TAF1B: variants seen among roughly 807,000 people sequenced by gnomAD.
TAF1B encodes TATA box-binding protein-associated factor RNA polymerase I subunit B.
In TAF1B, 61 loss-of-function variants were observed where a neutral mutation model predicts 83.9. The ratio of observed to expected loss-of-function variants is 0.73; its 90% CI spans 0.59 to 0.90. The LOEUF (loss-of-function observed/expected upper bound fraction) is 0.90. Ranked by LOEUF, TAF1B falls within the 40% of genes least tolerant of loss-of-function variation. The pLI, the probability that TAF1B is intolerant of heterozygous loss-of-function variation, is 0.00. For synonymous variants in TAF1B, 221 were observed against 224.6 expected, an observed-to-expected ratio of 0.98 and a Z score of 0.14; for missense variants, 625 against 677.0, an observed-to-expected ratio of 0.92 and a Z score of 0.85.
intron 5 of TAF1B, among the ~76,000 whole-genome samples, chr2:9,857,077 G>A (rs1663588941): frequency 6.6e-6 from 1 of 152,242 alleles, no homozygotes; most frequent in South Asian, 2.1e-4. Context: ...GGGACACTGG[G>A]GAAGGGTGCT....
chr2:9,898,736 G>T (rs75117624), intron 8 of TAF1B, among the ~76,000 whole-genome samples: 2 of 152,022 alleles, frequency 1.3e-5, no homozygotes, highest in Non-Finnish European at 2.9e-5. Context: ...TAATAACTCC[G>T]TATTTCCCCC....
chr2:9,929,489 T>C (rs758399338), intron 14 of TAF1B, among the ~76,000 whole-genome samples: 1 of 152,176 alleles, frequency 6.6e-6, no homozygotes, highest in Admixed American at 6.5e-5. Context: ...GATTATGTTA[T>C]TGATTTGCGT....
intron 5 of TAF1B, among the ~76,000 whole-genome samples, chr2:9,865,560 T>C (rs1173390473): frequency 6.6e-6 from 1 of 152,186 alleles, no homozygotes; most frequent in Non-Finnish European, 1.5e-5. Context: ...AAGCTACCAA[T>C]GACTTTCTTC....
Position 9,910,762 on chromosome 2 carries a change from G to T in TAF1B, c.982G>T (p.Val328Leu). 1.2e-6 allele frequency: 2 copies of T among 1,611,410 alleles called. No individual in the cohort carries two copies. Among genetic ancestry groups the T allele is most frequent in the Non-Finnish European group, 1.7e-6 (2 of 1,178,774 alleles). ...PDEMHSLTCH[V>L]VKMTGMGEVD... ...TGAAATGCATAGCTTAACTTGCCACGTGGTAAAAATGACTGGAATGGGAGA... is the reference window on the plus strand; with the variant it reads ...TGAAATGCATAGCTTAACTTGCCACTTGGTAAAAATGACTGGAATGGGAGA... The change falls in exon 10 of 15, where the codon GTG (valine) becomes TTG (leucine). Residue 328 changes from valine to leucine, a missense_variant. Coordinates refer to ENST00000263663, the MANE Select transcript of TAF1B (RefSeq NM_005680.3).
intron 6 of TAF1B, among the ~76,000 whole-genome samples, chr2:9,873,905 C>G (rs1664245877): frequency 6.6e-6 from 1 of 152,044 alleles, no homozygotes; most frequent in South Asian, 2.1e-4. Flanking sequence ...CTCCATTCTT[C>G]CCTCAGCAGC....
intron 9 of TAF1B, 100 bp from the exon 10 acceptor site, chr2:9,910,636 G>T: frequency 9.8e-7 from 1 of 1,016,974 alleles, no homozygotes; most frequent in Non-Finnish European, 1.4e-6. Context: ...CTGAGTTCTT[G>T]CATAGTGTCG....
At position 9,906,668 on chromosome 2, in the gene TAF1B, C is replaced by G. The variant is rs138333406; in HGVS notation, c.955+1662C>G. 4.7e-4 allele frequency among the ~76,000 whole-genome samples: 71 copies of G among 152,072 alleles called. No individual in the cohort carries two copies. The East Asian group carries it at 6.0e-3, about 13-fold the overall frequency. ...ATGTTATAATAAAAAGTCGAACAAG[C>G]CAAATTACAAAATTATGTATAACGT... On this transcript the variant is annotated intron_variant, in intron 9 of 14. Coordinates refer to ENST00000263663, the MANE Select transcript of TAF1B (RefSeq NM_005680.3).
intron 6 of TAF1B, among the ~76,000 whole-genome samples, chr2:9,871,288 T>C (rs551421242): frequency 1.4e-4 from 21 of 152,286 alleles, no homozygotes; most frequent in African/African-American, 5.1e-4. Context: ...TTCATCGTGT[T>C]AGCCAGGATG....
intron 8 of TAF1B, among the ~76,000 whole-genome samples, chr2:9,904,269 C>T (rs780545683): frequency 3.2e-4 from 49 of 152,150 alleles, no homozygotes; most frequent in Non-Finnish European, 3.7e-4. Flanking sequence ...ACCCTCCACC[C>T]TCAAGTAGGC....
chr2:9,844,686 A>C (rs1215649787), intron 1 of TAF1B, among the ~76,000 whole-genome samples: 1 of 152,180 alleles, frequency 6.6e-6, no homozygotes, highest in Non-Finnish European at 1.5e-5. Flanking sequence ...GCTAGCGTAT[A>C]CCCAGACTAG....
chr2:9,929,280 T>C (rs1377337743), intron 14 of TAF1B, among the ~76,000 whole-genome samples: 1 of 152,130 alleles, frequency 6.6e-6, no homozygotes, highest in Admixed American at 6.5e-5. Context: ...TACCTCAGCC[T>C]CCTGTGTAGC....
At chr2:9,899,450 A>G (rs1665115949) in intron 8 of TAF1B, among the ~76,000 whole-genome samples, 1 of 152,202 alleles carries the variant, frequency 6.6e-6, no homozygotes, top group South Asian at 2.1e-4. Flanking sequence ...TAAAATATAT[A>G]TACATTTACA....
chr2:9,875,783 G>T, intron 6 of TAF1B, 82 bp from the exon 7 acceptor site: 2 of 1,412,780 alleles, frequency 1.4e-6, no homozygotes, highest in Non-Finnish European at 1.9e-6. Flanking sequence ...TATTTAAAAT[G>T]CCTGTTTAGA....
At chr2:9,919,490 C>A in intron 13 of TAF1B, 108 bp from the exon 14 acceptor site, 1 of 960,390 alleles carries the variant, frequency 1.0e-6, no homozygotes, top group Admixed American at 2.2e-5. Context: ...GGTACATCTG[C>A]GAAAACTAAG....
intron 6 of TAF1B, among the ~76,000 whole-genome samples, chr2:9,875,397 T>G (rs1475743533): frequency 2.0e-5 from 3 of 152,222 alleles, no homozygotes; most frequent in Non-Finnish European, 4.4e-5. Flanking sequence ...TATAACTAGT[T>G]TTAAGATAAT....
chr2:9,919,818 A>C lies in TAF1B; in HGVS notation c.1563A>C (p.Arg521Ser), dbSNP rs769345621. Reference sequence around the variant, plus strand: ...GGCTTAGTACACAGAAATTCTGCAGATGGTAATAATGCTTTTAGAAAAAGT... The same window carrying C: ...GGCTTAGTACACAGAAATTCTGCAGCTGGTAATAATGCTTTTAGAAAAAGT... ...LYWLSTQKFC[R>S]CYCTHVTTYE... is the part of the protein sequence containing the mutation. Residue 521 changes from arginine to serine, a missense_variant and splice_region_variant, in exon 14 of 15, where the codon AGA becomes AGC. Coordinates refer to ENST00000263663, the MANE Select transcript of TAF1B (RefSeq NM_005680.3). The C allele has an allele frequency of 4.3e-6, 7 of 1,612,298 alleles. No individual in the cohort carries two copies. In the East Asian group the frequency reaches 1.3e-4, roughly 31 times the overall value.
intron 12 of TAF1B, among the ~76,000 whole-genome samples, chr2:9,918,279 AGAGC>A (rs1164151440): frequency 2.0e-5 from 3 of 152,262 alleles, no homozygotes; most frequent in African/African-American, 7.2e-5. Flanking sequence ...TCTTTGTTCC[AGAGC>A]AGCAGCGTCT....
At chr2:9,846,331 G>A (rs1247259327) in intron 2 of TAF1B, 12 of 333,242 alleles carry the variant, frequency 3.6e-5, no homozygotes, top group South Asian at 7.5e-5. Flanking sequence ...ACACACCTTC[G>A]GGCCAGCATC....
At chr2:9,931,720 G>C (rs61464279) in intron 14 of TAF1B, among the ~76,000 whole-genome samples, 1,632 of 152,266 alleles carry the variant, frequency 0.011, 32 homozygotes, top group African/African-American at 0.037. Context: ...GGCCTGCCTT[G>C]CTAGGTTGGG....
Sources: allele counts gnomAD v4.1 joint callset (sites outside exome capture counted in the v4.1 genomes callset), GRCh38; gene constraint gnomAD v4.1.1; transcripts MANE v1.5; gene names NCBI Gene and HGNC (gene_info 2026-07-23, HGNC 2026-07-21).